The following CSMD1 variants were observed in gnomAD, a reference collection of about 807,000 sequenced individuals.
CSMD1 encodes the protein CUB and sushi domain-containing protein 1.
A neutral mutation model predicts 417.5 loss-of-function variants in CSMD1; 213 were observed. The ratio of observed to expected loss-of-function variants is 0.51; its 90% CI spans 0.46 to 0.57. The LOEUF (loss-of-function observed/expected upper bound fraction) is 0.57. CSMD1 is among the 20% of genes least tolerant of loss of function. The probability of loss-of-function intolerance (pLI) is 0.00; values close to 1 mark genes in which losing one functional copy is unlikely to be tolerated. For synonymous variants in CSMD1, 2,862 were observed against 1,736.8 expected (o/e 1.65, Z -16.11); for missense variants, 6,923 against 4,529.7 (o/e 1.53, Z -15.17).
chr8:4,693,289 G>A (rs1354297099), intron 1 of CSMD1, among the ~76,000 whole-genome samples: 1 of 152,210 alleles, frequency 6.6e-6, no homozygotes, highest in Admixed American at 6.5e-5. Flanking sequence ...GGTAGATAGG[G>A]AAGAAGGAAT....
At chr8:4,876,541 T>G (rs1184090140) in intron 1 of CSMD1, among the ~76,000 whole-genome samples, 1 of 152,110 alleles carries the variant, frequency 6.6e-6, no homozygotes, top group African/African-American at 2.4e-5. Context: ...TCAGCACATT[T>G]CAATGCTTTC....
chr8:4,483,267 A>T (rs1801202520), intron 2 of CSMD1, among the ~76,000 whole-genome samples: 2 of 152,176 alleles, frequency 1.3e-5, no homozygotes, highest in South Asian at 4.1e-4. Context: ...AGCCATGTGG[A>T]ACTGTGAGTC....
At chr8:3,519,555 A>G (rs886511479) in intron 10 of CSMD1, among the ~76,000 whole-genome samples, 2 of 152,122 alleles carry the variant, frequency 1.3e-5, no homozygotes, top group Non-Finnish European at 2.9e-5. Flanking sequence ...CTTCCCCGCC[A>G]TGAGGACCAA....
intron 12 of CSMD1, among the ~76,000 whole-genome samples, chr8:3,418,937 A>C (rs1813321348): frequency 6.6e-6 from 1 of 152,246 alleles, no homozygotes; most frequent in African/African-American, 2.4e-5. Flanking sequence ...AAAGGTATGC[A>C]TAATGCAATT....
chr8:4,964,436 C>T (rs1222146453), intron 1 of CSMD1, among the ~76,000 whole-genome samples: 1 of 136,494 alleles, frequency 7.3e-6, no homozygotes, highest in African/African-American at 2.8e-5. Context: ...GGAGAATCAC[C>T]TGATCCCAGG....
At chr8:4,529,205 A>G (rs73182922) in intron 2 of CSMD1, among the ~76,000 whole-genome samples, 12,091 of 152,208 alleles carry the variant, frequency 0.079, 590 homozygotes, top group Admixed American at 0.16. Context: ...CAAAACTCTT[A>G]TCAGGACAAT....
At chr8:4,721,416 C>G (rs1397100462) in intron 1 of CSMD1, among the ~76,000 whole-genome samples, 1 of 152,118 alleles carries the variant, frequency 6.6e-6, no homozygotes. Flanking sequence ...AATCTGACTA[C>G]TACAAATCAG....
At position 3,764,571 on chromosome 8, in the gene CSMD1, G is replaced by A. The variant is rs1011988096; in HGVS notation, c.819-10529C>T. Among the ~76,000 whole-genome samples, 3 of 151,974 alleles carry A rather than the reference G, an allele frequency of 2.0e-5. No homozygotes were observed. In the East Asian group the frequency reaches 5.8e-4, roughly 30 times the overall value. On this transcript the variant is annotated intron_variant, in intron 5 of 69. Coordinates refer to ENST00000635120, the MANE Select transcript of CSMD1 (RefSeq NM_033225.6). ...TACAGGTTGCTGTGAGTGTCTGCAA[G>A]AGAGGATTTAAACTTCTCTTGGATG...
chr8:4,313,268 G>C (rs1031774755), intron 3 of CSMD1, among the ~76,000 whole-genome samples: 17 of 152,068 alleles, frequency 1.1e-4, no homozygotes, highest in African/African-American at 9.7e-5. Flanking sequence ...CTTTCCTCTA[G>C]TGCCCCAGGA....
At chr8:4,284,656 C>G (rs1226681879) in intron 3 of CSMD1, among the ~76,000 whole-genome samples, 3 of 152,030 alleles carry the variant, frequency 2.0e-5, no homozygotes, top group Non-Finnish European at 2.9e-5. Context: ...CTCAGGACTC[C>G]TGGAGGATCC....
chr8:3,863,948 A>C (rs765213702), intron 5 of CSMD1, among the ~76,000 whole-genome samples: 12 of 152,334 alleles, frequency 7.9e-5, no homozygotes, highest in Middle Eastern at 6.8e-3. Flanking sequence ...CCAGAGGTTT[A>C]GAGGTCTGAT....
chr8:3,313,424 AAAC>A (rs775319782), intron 23 of CSMD1, among the ~76,000 whole-genome samples: 1 of 152,180 alleles, frequency 6.6e-6, no homozygotes, highest in Non-Finnish European at 1.5e-5. Context: ...TACAAGAAAA[AAAC>A]AACCCCATCA....
intron 42 of CSMD1, among the ~76,000 whole-genome samples, chr8:3,114,644 G>T (rs1158071477): frequency 1.3e-5 from 2 of 151,930 alleles, no homozygotes; most frequent in Non-Finnish European, 2.9e-5. Context: ...GGTTGGTAAT[G>T]GAGATTTTAA....
At chr8:4,745,877 C>G (rs1387255048) in intron 1 of CSMD1, among the ~76,000 whole-genome samples, 1 of 152,194 alleles carries the variant, frequency 6.6e-6, no homozygotes, top group African/African-American at 2.4e-5. Flanking sequence ...GGCTTCTGAG[C>G]TTGATCCAGG....
chr8:3,850,425 T>A (rs1264523992), intron 5 of CSMD1, among the ~76,000 whole-genome samples: 1 of 152,240 alleles, frequency 6.6e-6, no homozygotes, highest in African/African-American at 2.4e-5. Context: ...CCTGGCATGG[T>A]GGCTCAGGCC....
intron 2 of CSMD1, among the ~76,000 whole-genome samples, chr8:4,443,524 T>C (rs1798605344): frequency 1.3e-5 from 2 of 151,594 alleles, no homozygotes; most frequent in Admixed American, 1.3e-4. Flanking sequence ...CAGAATACAG[T>C]ATAGAATTTC....
At chr8:4,985,830 G>A (rs1360408853) in intron 1 of CSMD1, among the ~76,000 whole-genome samples, 2 of 152,148 alleles carry the variant, frequency 1.3e-5, no homozygotes, top group Non-Finnish European at 2.9e-5. Flanking sequence ...TACCCTCACA[G>A]ATGGATTGGT....
intron 51 of CSMD1, among the ~76,000 whole-genome samples, chr8:3,023,434 G>A (rs536558904): frequency 6.6e-6 from 1 of 152,286 alleles, no homozygotes; most frequent in Admixed American, 6.5e-5. Context: ...AAGAGTAAGA[G>A]CCTTCTACTT....
chr8:3,918,025 A>G (rs1485728847), intron 5 of CSMD1, among the ~76,000 whole-genome samples: 1 of 151,982 alleles, frequency 6.6e-6, no homozygotes, highest in African/African-American at 2.4e-5. Flanking sequence ...AAATGGCACA[A>G]TTTCCTTCTT....
Sources: allele counts gnomAD v4.1 joint callset (sites outside exome capture counted in the v4.1 genomes callset), GRCh38; gene constraint gnomAD v4.1.1; transcripts MANE v1.5; gene names NCBI Gene and HGNC (gene_info 2026-07-23, HGNC 2026-07-21).